Variants in ERP27 observed in about 807,000 individuals in gnomAD.
ERP27 encodes the protein endoplasmic reticulum protein 27.
A neutral mutation model predicts 27.7 loss-of-function variants in ERP27; 23 were observed. That is an observed-to-expected ratio of 0.83 (90% confidence interval 0.60 to 1.18). The LOEUF (loss-of-function observed/expected upper bound fraction) is 1.18, where lower values mean the gene tolerates loss of function less well. ERP27 is among the 50% of genes most tolerant of loss of function. ERP27 has a pLI of 0.00. For synonymous variants in ERP27, 159 were observed against 118.3 expected, an observed-to-expected ratio of 1.34 and a Z score of -2.23; for missense variants, 363 against 327.9, an observed-to-expected ratio of 1.11 and a Z score of -0.83.
intron 3 of ERP27, among the ~76,000 whole-genome samples, chr12:14,921,276 C>G (rs1282509298): frequency 6.6e-6 from 1 of 152,098 alleles, no homozygotes; most frequent in Admixed American, 6.5e-5. Context: ...ATCACAGGCC[C>G]GCATGTCACC....
chr12:14,932,279 T>A (rs1437988481), intron 3 of ERP27, among the ~76,000 whole-genome samples: 6 of 152,174 alleles, frequency 3.9e-5, no homozygotes, highest in Non-Finnish European at 7.3e-5. Context: ...AGGAGTTACA[T>A]ATAGAGGAAT....
In ERP27 at chr12:14,931,918, C is replaced by T. The variant is rs146435791; in HGVS notation, c.333+2938G>A. 2.7e-3 allele frequency among the ~76,000 whole-genome samples: 406 copies of T among 152,212 alleles called. 2 individuals carry two copies. Among genetic ancestry groups the T allele is most frequent in the Non-Finnish European group, 4.9e-3 (334 of 68,010 alleles). Reference sequence around the variant, plus strand: ...AGTGGTTCAATGGCAACACGAAAGGCATTTGCCTAACCTTCCATATATTCC... The same window carrying T: ...AGTGGTTCAATGGCAACACGAAAGGTATTTGCCTAACCTTCCATATATTCC... On this transcript the variant is annotated intron_variant, in intron 3 of 6. Coordinates refer to ENST00000266397, the MANE Select transcript of ERP27 (RefSeq NM_152321.4).
Position 14,922,069 on chromosome 12 carries a change from T to C in ERP27, c.334-1021A>G, listed in dbSNP as rs191342182. On this transcript the variant is annotated intron_variant, in intron 3 of 6. Transcript: ENST00000266397. ...TATTCATTTTACTACTGATGAACAT[T>C]GGTTGTTTCTAGTCATTAAGACAAT... Among the ~76,000 whole-genome samples, 641 of 152,338 alleles carry C rather than the reference T, an allele frequency of 4.2e-3. 5 individuals carry two copies. Among genetic ancestry groups the C allele is most frequent in the Non-Finnish European group, 7.1e-3 (481 of 68,020 alleles).
rs187820268 is a variant in ERP27 at position 14,918,919 on chromosome 12, G to A, written c.451-1616C>T. On this transcript the variant is annotated intron_variant, in intron 4 of 6. Transcript: ENST00000266397. ...AGCATTCATTCACTATTCTAACACT[G>A]AGATGGAGGATAATTCCTGGGAAGA... 1.3e-4 allele frequency among the ~76,000 whole-genome samples: 20 copies of A among 152,326 alleles called. No homozygotes were observed. In the East Asian group the frequency reaches 3.9e-3, roughly 29 times the overall value.
intron 3 of ERP27, 40 bp downstream of exon 3, chr12:14,934,816 G>T (rs551231218): frequency 2.5e-6 from 4 of 1,612,330 alleles, no homozygotes; most frequent in Admixed American, 1.7e-5. Context: ...ACAACCCAGT[G>T]AAAATCTGGG....
At chr12:14,924,041 C>T (rs962846808) in intron 3 of ERP27, among the ~76,000 whole-genome samples, 1 of 152,198 alleles carries the variant, frequency 6.6e-6, no homozygotes, top group African/African-American at 2.4e-5. Context: ...TCCCCCTCCG[C>T]TCCCCAGCTT....
rs1412808791 is a variant in ERP27, at chr12:14,915,677, T to C, written c.586A>G (p.Ile196Val). ...TCTTTCATACCACTGTCCACCAGAA[T>C]AAAGAGAATCTGCAGTTGGGGAAGT... ...AKLFQGKILFILVDSGMKENG... is the reference protein window; with the variant it reads ...AKLFQGKILFVLVDSGMKENG... Residue 196 changes from isoleucine to valine, a missense_variant, in exon 6 of 7, where the codon ATT becomes GTT. Transcript: ENST00000266397. The C allele has an allele frequency of 6.2e-7, 1 of 1,612,716 alleles. No homozygotes were observed.
chr12:14,929,566 T>C lies in ERP27; in HGVS notation c.333+5290A>G, dbSNP rs116644236. Among the ~76,000 whole-genome samples, 513 of 152,328 alleles carry C rather than the reference T, an allele frequency of 3.4e-3. 3 individuals carry two copies. The highest frequency in any genetic ancestry group is 0.011 in the African/African-American group (463 of 41,578). On this transcript the variant is annotated intron_variant, in intron 3 of 6. Transcript: ENST00000266397. Reference sequence around the variant, plus strand: ...TCAGTTTTATGGAAAGAATTTTACTTAAAATATCATATTTTTATTTCAGAG... The same window carrying C: ...TCAGTTTTATGGAAAGAATTTTACTCAAAATATCATATTTTTATTTCAGAG...
chr12:14,926,813 A>G (rs536776599), intron 3 of ERP27, among the ~76,000 whole-genome samples: 2 of 152,280 alleles, frequency 1.3e-5, no homozygotes, highest in East Asian at 1.9e-4. Flanking sequence ...TTTTTGTTAT[A>G]TCTTCAATAT....
chr12:14,931,120 TGTG>T, intron 3 of ERP27, among the ~76,000 whole-genome samples: 1 of 152,272 alleles, frequency 6.6e-6, no homozygotes, highest in South Asian at 2.1e-4. Context: ...ACTTCACAGT[TGTG>T]AGATTTTGGG....
chr12:14,936,790 G>A (rs1863779911), intron 2 of ERP27, among the ~76,000 whole-genome samples: 1 of 152,084 alleles, frequency 6.6e-6, no homozygotes, highest in Non-Finnish European at 1.5e-5. Flanking sequence ...TGCCATGATT[G>A]TAAATTTCCT....
At chr12:14,925,568 T>G (rs1214103897) in intron 3 of ERP27, among the ~76,000 whole-genome samples, 1 of 152,152 alleles carries the variant, frequency 6.6e-6, no homozygotes, top group African/African-American at 2.4e-5. Context: ...TATTTCTTAA[T>G]TTTAAAATGT....
In ERP27 at chr12:14,938,425, C is replaced by T; in HGVS notation, c.84G>A (p.Glu28=). The stretch of plus-strand genomic sequence containing the variant: ...ACATTTTTCTTTTACCTGAGGATTT[C>T]TCAACTTCTGCAGCAACTTCTGCAG... ...ELAAEVAAEV[E]KSSDGPGAAQ... is the part of the protein sequence containing the mutation. Residue 28 remains glutamate, a synonymous_variant, in exon 1 of 7, where the codon GAG becomes GAA. Transcript: ENST00000266397. 3.1e-6 allele frequency: 5 copies of T among 1,614,128 alleles called. No individual in the cohort carries two copies. Among genetic ancestry groups the T allele is most frequent in the Non-Finnish European group, 4.2e-6 (5 of 1,179,990 alleles).
chr12:14,915,605 G>T lies in ERP27; in HGVS notation c.658C>A (p.Pro220Thr). ...AGAGTCTGGTAAATTGCCAAAGCTG[G>T]CAGTTGAGACTCCTTTAGTTTGAAA... ...SFFKLKESQLPALAIYQTLDD... is the reference protein window; with the variant it reads ...SFFKLKESQLTALAIYQTLDD... The change falls in exon 6 of 7, where the codon CCA becomes ACA. Residue 220 changes from proline (P) to threonine (T), a missense_variant. Pro to Thr is a conservative substitution (Grantham distance 38). Coordinates refer to ENST00000266397, the MANE Select transcript of ERP27 (RefSeq NM_152321.4). The T allele has an allele frequency of 1.9e-6, 3 of 1,614,208 alleles. No homozygotes were observed. Among genetic ancestry groups the T allele is most frequent in the Non-Finnish European group, 2.5e-6 (3 of 1,180,028 alleles).
chr12:14,935,983 A>G (rs549103919), intron 2 of ERP27, among the ~76,000 whole-genome samples: 2 of 152,052 alleles, frequency 1.3e-5, no homozygotes, highest in African/African-American at 4.8e-5. Context: ...CAGGCTCCCA[A>G]AGTGCTAGAA....
chr12:14,914,583 T>C lies in ERP27; in HGVS notation c.*152A>G, dbSNP rs1301365239. ...CTGTGTGTGTGTGTGTGTGTGCGTG[T>C]GTGTGTGCACGCGTGCGTGCGTGTG... On this transcript the variant is annotated 3_prime_UTR_variant, in exon 7 of 7. Transcript: ENST00000266397. 33 of 551,500 alleles carry C rather than the reference T, an allele frequency of 6.0e-5. No homozygotes were observed. The highest frequency in any genetic ancestry group is 1.6e-4 in the South Asian group (7 of 44,442). 34.2% of individuals were successfully genotyped at this position (551,500 alleles called of 1,614,324 possible).
chr12:14,921,260 A>T (rs1372109429), intron 3 of ERP27, among the ~76,000 whole-genome samples: 2 of 152,252 alleles, frequency 1.3e-5, no homozygotes, highest in Non-Finnish European at 2.9e-5. Flanking sequence ...GTGTCATCAC[A>T]GGAGAATCAC....
At chr12:14,925,509 T>C (rs1289237471) in intron 3 of ERP27, among the ~76,000 whole-genome samples, 1 of 152,182 alleles carries the variant, frequency 6.6e-6, no homozygotes, top group Non-Finnish European at 1.5e-5. Flanking sequence ...AAATGTTTCC[T>C]AATTTTTTGT....
At chr12:14,934,746 G>T (rs780207518) in intron 3 of ERP27, 110 bp downstream of exon 3, 30 of 1,308,284 alleles carry the variant, frequency 2.3e-5, no homozygotes, top group Non-Finnish European at 3.0e-5. Flanking sequence ...CCCTGAATTT[G>T]GTACCATCAT....
Sources: gnomAD v4.1 joint callset for allele counts (sites outside exome capture counted in the v4.1 genomes callset) on GRCh38, gnomAD v4.1.1 for gene constraint, MANE v1.5 for transcripts, NCBI Gene and HGNC (gene_info 2026-07-23, HGNC 2026-07-21) for gene names.